The following INSM2 variants were observed in gnomAD, a reference collection of about 807,000 sequenced individuals.
INSM2 encodes insulinoma-associated protein 2.
In INSM2, 12 loss-of-function variants were observed where a neutral mutation model predicts 30.5. The observed-to-expected ratio is 0.39, with a 90% CI of 0.25 to 0.64. INSM2 has a LOEUF of 0.64. Among genes scored for constraint, INSM2 ranks in the 30% least tolerant of loss-of-function variants. INSM2 has a pLI of 0.47. For missense variants in INSM2, 773 were observed against 819.2 expected, an observed-to-expected ratio of 0.94 and a Z score of 0.69; for synonymous variants, 418 against 383.7, an observed-to-expected ratio of 1.09 and a Z score of -1.05.
Position 35,534,660 on chromosome 14 carries a change from G to C in INSM2, c.408G>C (p.Glu136Asp), listed in dbSNP as rs754173053. Residue 136 changes from glutamate (E) to aspartate (D), a missense_variant, in exon 1 of 1, where the codon GAG becomes GAC. By Grantham distance (45) the Glu-to-Asp change is conservative (BLOSUM62 2). Transcript: ENST00000307169. ...GCCTCAGCTCGCCCGTCTCCGCCGA[G>C]TCTTTCCCCGGGGGCGCCGCCGCCG... Reference protein sequence around the residue: ...ERCLSSPVSAESFPGGAAAVA... With the variant: ...ERCLSSPVSADSFPGGAAAVA... 8.1e-5 allele frequency: 115 copies of C among 1,411,866 alleles called. No homozygotes were observed. The highest frequency in any genetic ancestry group is 2.3e-4 in the Middle Eastern group (1 of 4,282). 87.5% of individuals were successfully genotyped at this position (1,411,866 alleles called of 1,614,324 possible).
rs1191502339 is a variant in INSM2 at position 35,535,085 on chromosome 14, T to A, written c.833T>A (p.Leu278Gln). 6.2e-7 allele frequency: 1 copy of A among 1,601,416 alleles called. No homozygotes were observed. The highest frequency in any genetic ancestry group is 8.5e-7 in the Non-Finnish European group (1 of 1,173,084). The change falls in exon 1 of 1, where the codon CTG (leucine) becomes CAG (glutamine). Residue 278 changes from leucine (L) to glutamine (Q), a missense_variant. Leu to Gln is a moderately radical substitution (Grantham distance 113). Coordinates refer to ENST00000307169, the MANE Select transcript of INSM2 (RefSeq NM_032594.4). ...CKEQYADPFA[L>Q]AQHRCSRIVR... ...GAGCAGTACGCAGACCCCTTCGCGC[T>A]GGCCCAGCACCGCTGCTCCCGCATC...
In INSM2 at chr14:35,536,084, C is replaced by T. The variant is rs912285972; in HGVS notation, c.*131C>T. ...ATGTTTTAATCCCCTAAAATTCTCC[C>T]TGTAGTCAATGTTCCACCAGAGGAG... On this transcript the variant is annotated 3_prime_UTR_variant, in exon 1 of 1. Coordinates refer to ENST00000307169, the MANE Select transcript of INSM2 (RefSeq NM_032594.4). The T allele has an allele frequency of 2.6e-6, 3 of 1,162,524 alleles. No individual in the cohort carries two copies. In the Admixed American group the frequency reaches 7.4e-5, roughly 28 times the overall value. 72.0% of individuals were successfully genotyped at this position (1,162,524 alleles called of 1,614,324 possible).
Position 35,535,388 on chromosome 14 carries a change from C to A in INSM2, c.1136C>A (p.Pro379Gln), listed in dbSNP as rs371883019. Reference protein sequence around the residue: ...ARDSSGADQHPDSAPRQGLQV... With the variant: ...ARDSSGADQHQDSAPRQGLQV... ...GACAGCTCCGGGGCGGATCAGCACC[C>A]GGACAGCGCCCCGAGGCAGGGCCTC... The change falls in exon 1 of 1, where the codon CCG becomes CAG. Residue 379 changes from proline (P) to glutamine (Q), a missense_variant. Coordinates refer to ENST00000307169, the MANE Select transcript of INSM2 (RefSeq NM_032594.4). The A allele has an allele frequency of 6.2e-7, 1 of 1,611,428 alleles. No individual in the cohort carries two copies. Among genetic ancestry groups the A allele is most frequent in the Non-Finnish European group, 8.5e-7 (1 of 1,179,206 alleles).
rs886967742 is a variant in INSM2, at chr14:35,536,210, C to A, written c.*257C>A. ...CTTTAAATCCTTCTCACTTTCCCCA[C>A]TAAAATAGGATTTTTCCCCTTAAAA... On this transcript the variant is annotated 3_prime_UTR_variant, in exon 1 of 1. Coordinates refer to ENST00000307169, the MANE Select transcript of INSM2 (RefSeq NM_032594.4). The A allele has an allele frequency of 4.6e-6, 2 of 430,788 alleles. No homozygotes were observed. Among genetic ancestry groups the A allele is most frequent in the African/African-American group, 2.1e-5 (1 of 48,462 alleles). The allele number at this position is 430,788 out of a possible 1,614,324, so 26.7% of individuals were successfully genotyped here. A position where few individuals can be genotyped will look rare whatever the true frequency, so the allele number is the denominator to read the frequency against.
At position 35,535,651 on chromosome 14, in the gene INSM2, C is replaced by T; in HGVS notation, c.1399C>T (p.Pro467Ser). 6.2e-7 allele frequency: 1 copy of T among 1,613,210 alleles called. No individual in the cohort carries two copies. Among genetic ancestry groups the T allele is most frequent in the Non-Finnish European group, 8.5e-7 (1 of 1,180,028 alleles). The change falls in exon 1 of 1, where the codon CCA becomes TCA. Residue 467 changes from proline (P) to serine (S), a missense_variant. Physicochemically the swap from Pro to Ser is moderately conservative, Grantham distance 74 (BLOSUM62 -1). Coordinates refer to ENST00000307169, the MANE Select transcript of INSM2 (RefSeq NM_032594.4). ...APGFGSERGA[P>S]LAFACPLCGA... Reference sequence around the variant, plus strand: ...GGGCTTTGGCTCCGAACGCGGTGCCCCACTTGCCTTCGCTTGCCCATTGTG... The same window carrying T: ...GGGCTTTGGCTCCGAACGCGGTGCCTCACTTGCCTTCGCTTGCCCATTGTG...
rs1463184033 is a variant in INSM2 at position 35,535,206 on chromosome 14, G to T, written c.954G>T (p.Ala318=). 3 of 1,612,920 alleles carry T rather than the reference G, an allele frequency of 1.9e-6. No homozygotes were observed. Among genetic ancestry groups the T allele is most frequent in the African/African-American group, 1.3e-5 (1 of 74,948 alleles). The change falls in exon 1 of 1, where the codon GCG becomes GCT. Residue 318 remains alanine, a synonymous_variant. Transcript: ENST00000307169. ...GCCGCTGGCATAAGCCGCGTCCTGC[G>T]GCTGCAAACGCCGCCACAGTCTCCT... The part of the protein sequence containing the change: ...SHRRWHKPRP[A]AANAATVSSA...
At position 35,534,235 on chromosome 14, in the gene INSM2, A is replaced by C; in HGVS notation, c.-18A>C. 6.3e-7 allele frequency: 1 copy of C among 1,579,438 alleles called. No homozygotes were observed. On this transcript the variant is annotated 5_prime_UTR_variant, in exon 1 of 1. Transcript: ENST00000307169. ...GGCGCCCCCTTTCCTCTTGTCCCAGAGCGCTCTCGACTCCACCATGCCAAG... is the reference window on the plus strand; with the variant it reads ...GGCGCCCCCTTTCCTCTTGTCCCAGCGCGCTCTCGACTCCACCATGCCAAG...
chr14:35,536,208 CA>C lies in INSM2; in HGVS notation c.*256del. 4.6e-6 allele frequency: 2 copies of C among 434,324 alleles called. No homozygotes were observed. The highest frequency in any genetic ancestry group is 4.2e-6 in the Non-Finnish European group (1 of 239,634). The allele number at this position is 434,324 out of a possible 1,614,324, so 26.9% of individuals were successfully genotyped here. On this transcript the variant is annotated 3_prime_UTR_variant, in exon 1 of 1. Coordinates refer to ENST00000307169, the MANE Select transcript of INSM2 (RefSeq NM_032594.4). ...AGCTTTAAATCCTTCTCACTTTCCC[CA>C]CTAAAATAGGATTTTTCCCCTTAAA...
In INSM2 at chr14:35,536,536, A is replaced by G. The variant is rs1165046568; in HGVS notation, c.*583A>G. The G allele has an allele frequency of 6.0e-6, 1 of 167,120 alleles. No individual in the cohort carries two copies. Among genetic ancestry groups the G allele is most frequent in the Non-Finnish European group, 1.5e-5 (1 of 68,166 alleles). 10.4% of individuals were successfully genotyped at this position (167,120 alleles called of 1,614,324 possible). On this transcript the variant is annotated 3_prime_UTR_variant, in exon 1 of 1. Transcript: ENST00000307169. ...GGGGTGCATGGGGATCTCCCCTGTA[A>G]ACTTTCCTTTGCCCAATTATATGTA...
chr14:35,534,582 C>A lies in INSM2; in HGVS notation c.330C>A (p.Pro110=). Residue 110 remains proline, a synonymous_variant, in exon 1 of 1, where the codon CCC becomes CCA. Transcript: ENST00000307169. ...EGPGPSPSPS[P]SPAKPAGAEL... ...CCGGGCCCAGCCCCAGCCCCAGCCC[C>A]AGTCCAGCGAAGCCGGCAGGCGCAG... 1 of 1,435,762 alleles carries A rather than the reference C, an allele frequency of 7.0e-7. No individual in the cohort carries two copies. The allele number at this position is 1,435,762 out of a possible 1,614,324, so 88.9% of individuals were successfully genotyped here.
In INSM2 at chr14:35,535,024, A is replaced by C. The variant is rs1398955486; in HGVS notation, c.772A>C (p.Thr258Pro). Residue 258 changes from threonine to proline, a missense_variant, in exon 1 of 1, where the codon ACG becomes CCG. By Grantham distance (38) the Thr-to-Pro change is conservative. Coordinates refer to ENST00000307169, the MANE Select transcript of INSM2 (RefSeq NM_032594.4). The part of the protein sequence containing the change: ...APSRGLGGSR[T>P]PLGEFICQLC... ...GTCCCGGGGCTTGGGGGGCAGCCGC[A>C]CGCCACTGGGGGAGTTCATCTGCCA... 2.3e-5 allele frequency: 37 copies of C among 1,577,950 alleles called. No individual in the cohort carries two copies. Among genetic ancestry groups the C allele is most frequent in the Non-Finnish European group, 3.0e-5 (35 of 1,162,530 alleles).
Position 35,534,378 on chromosome 14 carries a change from C to T in INSM2, c.126C>T (p.Pro42=), listed in dbSNP as rs1376333819. The part of the protein sequence containing the change: ...QGAPPFLEEA[P]SASLPGAERA... ...CGCCGCCCTTCTTGGAGGAGGCTCC[C>T]AGCGCCTCCTTGCCCGGCGCGGAGC... The change falls in exon 1 of 1, where the codon CCC becomes CCT. Residue 42 remains proline, a synonymous_variant. Coordinates refer to ENST00000307169, the MANE Select transcript of INSM2 (RefSeq NM_032594.4). 5 of 1,556,784 alleles carry T rather than the reference C, an allele frequency of 3.2e-6. No individual in the cohort carries two copies. Among genetic ancestry groups the T allele is most frequent in the South Asian group, 2.4e-5 (2 of 85,004 alleles).
chr14:35,534,340 G>T lies in INSM2; in HGVS notation c.88G>T (p.Gly30Trp), dbSNP rs776826954. Residue 30 changes from glycine to tryptophan, a missense_variant, in exon 1 of 1, where the codon GGG becomes TGG. By Grantham distance (184) the Gly-to-Trp change is radical. Coordinates refer to ENST00000307169, the MANE Select transcript of INSM2 (RefSeq NM_032594.4). ...RLAERVFPLLGPQGAPPFLEE... is the reference protein window; with the variant it reads ...RLAERVFPLLWPQGAPPFLEE... The stretch of plus-strand genomic sequence containing the variant: ...TGCGGAGCGTGTCTTCCCTCTGCTG[G>T]GGCCCCAGGGGGCGCCGCCCTTCTT... The T allele has an allele frequency of 3.8e-6, 6 of 1,580,774 alleles. No homozygotes were observed. The highest frequency in any genetic ancestry group is 8.6e-7 in the Non-Finnish European group (1 of 1,166,044).
At position 35,534,222 on chromosome 14, in the gene INSM2, C is replaced by T; in HGVS notation, c.-31C>T. ...TCTCAGTCCCCGTGGCGCCCCCTTT[C>T]CTCTTGTCCCAGAGCGCTCTCGACT... On this transcript the variant is annotated 5_prime_UTR_variant, in exon 1 of 1. Transcript: ENST00000307169. The T allele has an allele frequency of 6.4e-7, 1 of 1,561,558 alleles. No homozygotes were observed. Among genetic ancestry groups the T allele is most frequent in the Non-Finnish European group, 8.6e-7 (1 of 1,159,462 alleles).
Position 35,534,356 on chromosome 14 carries a change from C to T in INSM2, c.104C>T (p.Pro35Leu). 1 of 1,575,388 alleles carries T rather than the reference C, an allele frequency of 6.3e-7. No individual in the cohort carries two copies. The highest frequency in any genetic ancestry group is 1.1e-5 in the South Asian group (1 of 87,852). ...CCTCTGCTGGGGCCCCAGGGGGCGC[C>T]GCCCTTCTTGGAGGAGGCTCCCAGC... is the stretch of plus-strand genomic sequence containing the variant. ...VFPLLGPQGA[P>L]PFLEEAPSAS... Residue 35 changes from proline (P) to leucine (L), a missense_variant, in exon 1 of 1, where the codon CCG (proline) becomes CTG (leucine). Transcript: ENST00000307169.
In INSM2 at chr14:35,534,938, A is replaced by G. The variant is rs371855455; in HGVS notation, c.686A>G (p.Asp229Gly). Residue 229 changes from aspartate (D) to glycine (G), a missense_variant, in exon 1 of 1, where the codon GAT (aspartate) becomes GGT (glycine). Transcript: ENST00000307169. ...GCCATGAGGAAGTTGAGCTTTGCCGATGAGGTGACCACATCCCCTGTCCTG... is the reference window on the plus strand; with the variant it reads ...GCCATGAGGAAGTTGAGCTTTGCCGGTGAGGTGACCACATCCCCTGTCCTG... Reference protein sequence around the residue: ...PKAMRKLSFADEVTTSPVLGL... With the variant: ...PKAMRKLSFAGEVTTSPVLGL... 8.3e-5 allele frequency: 131 copies of G among 1,587,772 alleles called. No individual in the cohort carries two copies. The highest frequency in any genetic ancestry group is 1.1e-4 in the Non-Finnish European group (126 of 1,169,920).
Position 35,534,399 on chromosome 14 carries a change from G to A in INSM2, c.147G>A (p.Ala49=), listed in dbSNP as rs1042911545. Reference sequence around the variant, plus strand: ...CTCCCAGCGCCTCCTTGCCCGGCGCGGAGCGGGCGACACCCCCCACCCGAG... The same window carrying A: ...CTCCCAGCGCCTCCTTGCCCGGCGCAGAGCGGGCGACACCCCCCACCCGAG... ...EEAPSASLPG[A]ERATPPTREE... The change falls in exon 1 of 1, where the codon GCG becomes GCA. Residue 49 remains alanine (A), a synonymous_variant. Transcript: ENST00000307169. The A allele has an allele frequency of 2.0e-6, 3 of 1,526,850 alleles. No homozygotes were observed. The highest frequency in any genetic ancestry group is 2.6e-6 in the Non-Finnish European group (3 of 1,143,060). The allele number at this position is 1,526,850 out of a possible 1,614,324, so 94.6% of individuals were successfully genotyped here. A position where few individuals can be genotyped will look rare whatever the true frequency, so the allele number is the denominator to read the frequency against.
At position 35,536,443 on chromosome 14, in the gene INSM2, G is replaced by GTGA. The variant is rs1422575907; in HGVS notation, c.*492_*494dup. 1.1e-4 allele frequency: 19 copies of GTGA among 166,520 alleles called. No homozygotes were observed. The highest frequency in any genetic ancestry group is 4.6e-4 in the African/African-American group (19 of 41,472). 10.3% of individuals were successfully genotyped at this position (166,520 alleles called of 1,614,324 possible). On this transcript the variant is annotated 3_prime_UTR_variant, in exon 1 of 1. Transcript: ENST00000307169. ...GTATATTCTGTGAATTAAAAGTTAT[G>GTGA]TGATTGGTGTCAAACTTAAGGAGAT...
rs1347605789 is a variant in INSM2 at position 35,534,200 on chromosome 14, C to T, written c.-53C>T. The T allele has an allele frequency of 1.3e-6, 2 of 1,542,894 alleles. No individual in the cohort carries two copies. Among genetic ancestry groups the T allele is most frequent in the Non-Finnish European group, 1.7e-6 (2 of 1,151,206 alleles). On this transcript the variant is annotated 5_prime_UTR_variant, in exon 1 of 1. Coordinates refer to ENST00000307169, the MANE Select transcript of INSM2 (RefSeq NM_032594.4). ...TCTAGTTCATCTGCTGGCCGGCTCTCAGTCCCCGTGGCGCCCCCTTTCCTC... is the reference window on the plus strand; with the variant it reads ...TCTAGTTCATCTGCTGGCCGGCTCTTAGTCCCCGTGGCGCCCCCTTTCCTC...
Sources: allele counts gnomAD v4.1 joint callset, GRCh38; gene constraint gnomAD v4.1.1; transcripts MANE v1.5; gene names NCBI Gene and HGNC (gene_info 2026-07-23, HGNC 2026-07-21).